TSPAN13: variants seen among roughly 807,000 people sequenced by gnomAD.
TSPAN13 encodes the protein tetraspanin-13.
TSPAN13 carries 18 observed loss-of-function variants against 26.9 expected under a neutral mutation model. The observed-to-expected ratio is 0.67, with a 90% CI of 0.46 to 0.99. The LOEUF (loss-of-function observed/expected upper bound fraction) is 0.99. Ranked by LOEUF, TSPAN13 falls within the 50% of genes least tolerant of loss-of-function variation. The pLI is 0.00. For synonymous variants in TSPAN13, 116 were observed against 98.4 expected (o/e 1.18, Z -1.06); for missense variants, 201 against 249.6 (o/e 0.81, Z 1.31).
chr7:16,762,218 A>G (rs577885920), intron 1 of TSPAN13, among the ~76,000 whole-genome samples: 3 of 152,318 alleles, frequency 2.0e-5, no homozygotes, highest in Admixed American at 1.3e-4. Context: ...TCCCCTCCAA[A>G]TATTGTATAG....
At chr7:16,778,949 G>T in intron 4 of TSPAN13, 54 bp from the exon 5 acceptor site, 1 of 1,377,364 alleles carries the variant, frequency 7.3e-7, no homozygotes, top group African/African-American at 1.5e-5. Flanking sequence ...AGTTTTTATG[G>T]GCTTTTTATA....
At chr7:16,771,186 C>T (rs537985815) in intron 1 of TSPAN13, among the ~76,000 whole-genome samples, 1 of 152,358 alleles carries the variant, frequency 6.6e-6, no homozygotes, top group African/African-American at 2.4e-5. Flanking sequence ...CCTTTCATTT[C>T]TGACCTGTAG....
chr7:16,777,667 C>G (rs1784769173), intron 3 of TSPAN13, 131 bp from the exon 4 acceptor site: 1 of 560,466 alleles, frequency 1.8e-6, no homozygotes, highest in South Asian at 4.7e-5. Flanking sequence ...GAGGAATAAG[C>G]CTTTGAAAAG....
intron 1 of TSPAN13, among the ~76,000 whole-genome samples, chr7:16,760,870 T>C (rs2115322737): frequency 6.6e-6 from 1 of 152,138 alleles, no homozygotes; most frequent in Middle Eastern, 3.4e-3. Context: ...ATTTTTCTTA[T>C]AATCCTCTGA....
At chr7:16,783,185 C>A (rs1366466916) in intron 5 of TSPAN13, among the ~76,000 whole-genome samples, 1 of 152,094 alleles carries the variant, frequency 6.6e-6, no homozygotes, top group Non-Finnish European at 1.5e-5. Flanking sequence ...GGGGTTAGGA[C>A]ATGGACATCC....
chr7:16,771,895 G>GAAC (rs1784683829), intron 1 of TSPAN13, among the ~76,000 whole-genome samples: 1 of 152,158 alleles, frequency 6.6e-6, no homozygotes, highest in Non-Finnish European at 1.5e-5. Flanking sequence ...TTGACAGAGG[G>GAAC]TTATGTAGAA....
In TSPAN13 at chr7:16,776,398, A is replaced by C; in HGVS notation, c.231+20A>C. ...TTTTTTGTATCCTTTTTAAAAATCA[A>C]GATTTTACTCTTGATGACTATTTTG... On this transcript the variant is annotated intron_variant, in intron 2 of 5. Coordinates refer to ENST00000262067, the MANE Select transcript of TSPAN13 (RefSeq NM_014399.4). 1 of 1,604,040 alleles carries C rather than the reference A, an allele frequency of 6.2e-7. No individual in the cohort carries two copies. The highest frequency in any genetic ancestry group is 8.5e-7 in the Non-Finnish European group (1 of 1,173,974).
intron 1 of TSPAN13, among the ~76,000 whole-genome samples, chr7:16,764,468 C>T (rs1784584588): frequency 6.6e-6 from 1 of 151,978 alleles, no homozygotes; most frequent in South Asian, 2.1e-4. Context: ...TTTCTTGTTC[C>T]CCTACTCTAG....
intron 1 of TSPAN13, among the ~76,000 whole-genome samples, chr7:16,774,287 G>C (rs2115333201): frequency 6.6e-6 from 1 of 152,300 alleles, no homozygotes; most frequent in East Asian, 1.9e-4. Context: ...TGTAGATATA[G>C]ATGTATTTCC....
chr7:16,759,745 G>T (rs73299615), intron 1 of TSPAN13, among the ~76,000 whole-genome samples: 1 of 148,044 alleles, frequency 6.8e-6, no homozygotes, highest in Non-Finnish European at 1.5e-5. Flanking sequence ...GTCACGCAGT[G>T]GCGTGATCTC....
intron 1 of TSPAN13, among the ~76,000 whole-genome samples, chr7:16,765,020 A>G (rs1297634242): frequency 1.3e-5 from 2 of 151,886 alleles, no homozygotes; most frequent in Non-Finnish European, 2.9e-5. Flanking sequence ...CGGCCTCCCA[A>G]AGTGCTAGGA....
At position 16,753,793 on chromosome 7, in the gene TSPAN13, C is replaced by T. The variant is rs1372480411; in HGVS notation, c.-175C>T. 1.2e-5 allele frequency: 6 copies of T among 510,794 alleles called. No individual in the cohort carries two copies. Among genetic ancestry groups the T allele is most frequent in the East Asian group, 3.7e-5 (1 of 27,326 alleles). The allele number at this position is 510,794 out of a possible 1,614,324, so 31.6% of individuals were successfully genotyped here. A position where few individuals can be genotyped will look rare whatever the true frequency, so the allele number is the denominator to read the frequency against. ...GGCGGCCGCAGGTTCCAAAGCGGGT[C>T]CGAGCCGCCGCCGCGCGCGCGCCGC... On this transcript the variant is annotated 5_prime_UTR_variant, in exon 1 of 6. Coordinates refer to ENST00000262067, the MANE Select transcript of TSPAN13 (RefSeq NM_014399.4).
intron 3 of TSPAN13, 80 bp downstream of exon 3, chr7:16,777,202 T>A: frequency 9.2e-7 from 1 of 1,081,564 alleles, no homozygotes; most frequent in South Asian, 1.4e-5. Flanking sequence ...GATTAGAATA[T>A]AAAATAATTT....
intron 1 of TSPAN13, among the ~76,000 whole-genome samples, chr7:16,757,682 T>C (rs1338556186): frequency 2.6e-5 from 4 of 152,180 alleles, no homozygotes; most frequent in Admixed American, 2.0e-4. Context: ...TCTTTCCATG[T>C]TTGTTTCTTT....
intron 1 of TSPAN13, among the ~76,000 whole-genome samples, chr7:16,768,957 A>G (rs1001330589): frequency 6.6e-6 from 1 of 151,974 alleles, no homozygotes; most frequent in Non-Finnish European, 1.5e-5. Flanking sequence ...GCTCACTGCA[A>G]ACTCTGCCTC....
In TSPAN13 at chr7:16,783,552, G is replaced by A. The variant is rs141991499; in HGVS notation, c.*61G>A. 109 of 1,515,618 alleles carry A rather than the reference G, an allele frequency of 7.2e-5. No individual in the cohort carries two copies. The East Asian group carries it at 1.6e-3, about 23-fold the overall frequency. 93.9% of individuals were successfully genotyped at this position (1,515,618 alleles called of 1,614,324 possible). Reference sequence around the variant, plus strand: ...TCTTGTTCACTTTCTGTAATTTTCTGTTAAGCTCCATTTGCCAGTTTAAGG... The same window carrying A: ...TCTTGTTCACTTTCTGTAATTTTCTATTAAGCTCCATTTGCCAGTTTAAGG... On this transcript the variant is annotated 3_prime_UTR_variant, in exon 6 of 6. Transcript: ENST00000262067.
chr7:16,764,078 C>G (rs190202800), intron 1 of TSPAN13, among the ~76,000 whole-genome samples: 1 of 152,060 alleles, frequency 6.6e-6, no homozygotes, highest in East Asian at 1.9e-4. Flanking sequence ...AGTACAGTGG[C>G]GCAGTCTTGA....
At chr7:16,779,973 A>G (rs994927215) in intron 5 of TSPAN13, among the ~76,000 whole-genome samples, 31 of 151,884 alleles carry the variant, frequency 2.0e-4, no homozygotes, top group Admixed American at 1.6e-3. Flanking sequence ...GGGTTTCACC[A>G]TGTTAGCCAG....
At chr7:16,772,229 A>T (rs1248157297) in intron 1 of TSPAN13, among the ~76,000 whole-genome samples, 1 of 152,182 alleles carries the variant, frequency 6.6e-6, no homozygotes, top group African/African-American at 2.4e-5. Flanking sequence ...CCCCAGCTAC[A>T]TGATAAGGAT....
Sources: allele counts gnomAD v4.1 joint callset (sites outside exome capture counted in the v4.1 genomes callset), GRCh38; gene constraint gnomAD v4.1.1; transcripts MANE v1.5; gene names NCBI Gene and HGNC (gene_info 2026-07-23, HGNC 2026-07-21).